The following LRP1B variants were observed in gnomAD, a reference collection of about 807,000 sequenced individuals.
The protein encoded by LRP1B is LDL receptor related protein 1B.
Under a neutral mutation model 556.6 loss-of-function variants are expected in LRP1B, and 217 were observed. The observed-to-expected ratio is 0.39, with a 90% CI of 0.35 to 0.44. The LOEUF is 0.44. Among genes scored for constraint, LRP1B ranks in the 20% least tolerant of loss-of-function variants. The pLI is 1.00. For missense variants in LRP1B, 5,053 were observed against 5,620.8 expected (o/e 0.90, Z 3.23); for synonymous variants, 2,047 against 1,865.8 (o/e 1.10, Z -2.50).
chr2:140,242,850 G>A (rs913037497), intron 87 of LRP1B, among the ~76,000 whole-genome samples: 1 of 151,050 alleles, frequency 6.6e-6, no homozygotes, highest in Non-Finnish European at 1.5e-5. Context: ...TAAATCAGAT[G>A]GGCAATTGTA....
intron 43 of LRP1B, among the ~76,000 whole-genome samples, chr2:140,590,862 C>T (rs1246836967): frequency 2.0e-5 from 3 of 152,136 alleles, no homozygotes; most frequent in African/African-American, 7.2e-5. Context: ...TGAGAGACAG[C>T]ATATTAAAGT....
rs866787208 is a variant in LRP1B, at chr2:141,582,981, A to G, written c.206-102448T>C. Among the ~76,000 whole-genome samples the G allele has an allele frequency of 4.6e-4, 69 of 151,532 alleles. 1 individual carries two copies. Among genetic ancestry groups the G allele is most frequent in the African/African-American group, 1.6e-3 (68 of 41,292 alleles). On this transcript the variant is annotated intron_variant, in intron 2 of 90. Coordinates refer to ENST00000389484, the MANE Select transcript of LRP1B (RefSeq NM_018557.3). ...CTCCTGAGTAACTGGGACTACAGGC[A>G]CCCGCCACCATGCCTGGCTAATTTT...
chr2:140,391,891 C>T (rs1684038863), intron 66 of LRP1B, among the ~76,000 whole-genome samples: 1 of 152,096 alleles, frequency 6.6e-6, no homozygotes, highest in Non-Finnish European at 1.5e-5. Context: ...GCTCATCAAT[C>T]ATGCAAGTTT....
At chr2:141,407,457 A>G (rs960159495) in intron 3 of LRP1B, among the ~76,000 whole-genome samples, 2 of 152,138 alleles carry the variant, frequency 1.3e-5, no homozygotes, top group African/African-American at 4.8e-5. Context: ...ATTGAATTGT[A>G]ATCCCCAGTG....
intron 84 of LRP1B, among the ~76,000 whole-genome samples, chr2:140,288,200 C>A (rs1683235929): frequency 6.7e-6 from 1 of 149,552 alleles, no homozygotes; most frequent in Non-Finnish European, 1.5e-5. Context: ...CTCATAGTCT[C>A]TTTTGCCATT....
intron 1 of LRP1B, among the ~76,000 whole-genome samples, chr2:142,058,977 G>T (rs757607277): frequency 2.0e-5 from 3 of 152,110 alleles, no homozygotes; most frequent in African/African-American, 4.8e-5. Context: ...ATGATTTATA[G>T]GGTTTGCCAT....
intron 2 of LRP1B, among the ~76,000 whole-genome samples, chr2:141,531,894 T>A (rs1286829570): frequency 6.6e-6 from 1 of 152,174 alleles, no homozygotes; most frequent in Non-Finnish European, 1.5e-5. Flanking sequence ...GACATTCCAC[T>A]ATACTTCATT....
chr2:141,574,212 C>A (rs57665898), intron 2 of LRP1B, among the ~76,000 whole-genome samples: 4,289 of 152,136 alleles, frequency 0.028, 222 homozygotes, highest in African/African-American at 0.095. Flanking sequence ...CACTGCAAAC[C>A]GAATCCAGGA....
intron 7 of LRP1B, among the ~76,000 whole-genome samples, chr2:141,062,843 T>A (rs1699373236): frequency 6.6e-6 from 1 of 151,840 alleles, no homozygotes; most frequent in Non-Finnish European, 1.5e-5. Context: ...TTATCCCAAA[T>A]TCTCCCAAAT....
chr2:141,602,055 GC>G, intron 2 of LRP1B, among the ~76,000 whole-genome samples: 1 of 152,006 alleles, frequency 6.6e-6, no homozygotes, highest in Non-Finnish European at 1.5e-5. Flanking sequence ...ACTTGAATTA[GC>G]CTAAACATAG....
In LRP1B at chr2:140,232,955, T is replaced by G; in HGVS notation, c.*231A>C. ...TCAAAGGTGTGTCATATCAGCAGCATTGTTGTAAATTGTACTGTAGTGCAG... is the reference window on the plus strand; with the variant it reads ...TCAAAGGTGTGTCATATCAGCAGCAGTGTTGTAAATTGTACTGTAGTGCAG... On this transcript the variant is annotated 3_prime_UTR_variant, in exon 91 of 91. Coordinates refer to ENST00000389484, the MANE Select transcript of LRP1B (RefSeq NM_018557.3). 2 of 328,942 alleles carry G rather than the reference T, an allele frequency of 6.1e-6. No homozygotes were observed. Among genetic ancestry groups the G allele is most frequent in the Non-Finnish European group, 1.1e-5 (2 of 182,572 alleles). The allele number at this position is 328,942 out of a possible 1,614,324, so 20.4% of individuals were successfully genotyped here.
At chr2:141,413,188 C>T (rs1408754752) in intron 3 of LRP1B, among the ~76,000 whole-genome samples, 1 of 152,126 alleles carries the variant, frequency 6.6e-6, no homozygotes, top group Non-Finnish European at 1.5e-5. Context: ...AGTTGCAACA[C>T]TGCACTCCAT....
intron 86 of LRP1B, among the ~76,000 whole-genome samples, chr2:140,254,178 GT>G (rs1681574050): frequency 6.6e-6 from 1 of 152,058 alleles, no homozygotes; most frequent in Non-Finnish European, 1.5e-5. Context: ...TCAACTGCAG[GT>G]TAATAACTGC....
intron 7 of LRP1B, among the ~76,000 whole-genome samples, chr2:141,145,696 G>A (rs1401210995): frequency 6.6e-6 from 1 of 151,346 alleles, no homozygotes; most frequent in Non-Finnish European, 1.5e-5. Flanking sequence ...ACCACGCCTG[G>A]CTAATTTTGT....
Position 140,989,754 on chromosome 2 carries a change from A to G in LRP1B, c.2645-97T>C, listed in dbSNP as rs1697033687. The G allele has an allele frequency of 2.6e-6, 3 of 1,166,132 alleles. No individual in the cohort carries two copies. In the South Asian group the frequency reaches 4.2e-5, roughly 16 times the overall value. The allele number at this position is 1,166,132 out of a possible 1,614,324, so 72.2% of individuals were successfully genotyped here. A position where few individuals can be genotyped will look rare whatever the true frequency, so the allele number is the denominator to read the frequency against. On this transcript the variant is annotated intron_variant, in intron 16 of 90. Transcript: ENST00000389484. Reference sequence around the variant, plus strand: ...ACAGAAAAGTTACAGTAATAATATTATAGTACAATAAATGTCATAGAGTCT... The same window carrying G: ...ACAGAAAAGTTACAGTAATAATATTGTAGTACAATAAATGTCATAGAGTCT...
intron 2 of LRP1B, among the ~76,000 whole-genome samples, chr2:141,616,272 C>T (rs1688295640): frequency 7.0e-6 from 1 of 142,702 alleles, no homozygotes; most frequent in African/African-American, 2.7e-5. Flanking sequence ...CAGGGTGAGA[C>T]TCTGTCTCAA....
chr2:141,140,334 T>A (rs1701616082), intron 7 of LRP1B, among the ~76,000 whole-genome samples: 2 of 152,062 alleles, frequency 1.3e-5, no homozygotes, highest in African/African-American at 2.4e-5. Context: ...ATAATAAAAA[T>A]TTTTTAAATC....
At chr2:141,100,187 A>G (rs1363062063) in intron 7 of LRP1B, among the ~76,000 whole-genome samples, 1 of 152,178 alleles carries the variant, frequency 6.6e-6, no homozygotes, top group Non-Finnish European at 1.5e-5. Flanking sequence ...AAATACAAAG[A>G]AATCCTTAGT....
intron 1 of LRP1B, among the ~76,000 whole-genome samples, chr2:141,969,449 T>C (rs186481311): frequency 6.6e-6 from 1 of 151,774 alleles, no homozygotes; most frequent in African/African-American, 2.4e-5. Context: ...GTAACCATTA[T>C]TCTATTCTCT....
Sources: allele counts gnomAD v4.1 joint callset (sites outside exome capture counted in the v4.1 genomes callset), GRCh38; gene constraint gnomAD v4.1.1; transcripts MANE v1.5; gene names NCBI Gene and HGNC (gene_info 2026-07-23, HGNC 2026-07-21).